HPGD: variants seen among roughly 807,000 people sequenced by gnomAD.
The protein encoded by HPGD is 15-hydroxyprostaglandin dehydrogenase [NAD(+)].
In HPGD, 29 loss-of-function variants were observed where a neutral mutation model predicts 30.0. The ratio of observed to expected loss-of-function variants is 0.97; its 90% confidence interval spans 0.72 to 1.32. The LOEUF (loss-of-function observed/expected upper bound fraction) is 1.32. Ranked by LOEUF, HPGD falls within the 40% of genes most tolerant of loss-of-function variation. The pLI is 0.00. For missense variants in HPGD, 340 were observed against 322.1 expected, an observed-to-expected ratio of 1.06 and a Z score of -0.43; for synonymous variants, 99 against 112.4, an observed-to-expected ratio of 0.88 and a Z score of 0.75.
chr4:174,494,787 A>G lies in HPGD; in HGVS notation c.498+761T>C, dbSNP rs1734503771. On this transcript the variant is annotated intron_variant, in intron 5 of 6. Transcript: ENST00000296522. The surrounding 1 kb of genome is among the most constrained non-coding windows in gnomAD (Gnocchi z 4.9). ...CTTGTCTTTTGTAACACAATTTGCA[A>G]AAGCAGACAGAATGGTCTTCTTAAA... Among the ~76,000 whole-genome samples the G allele has an allele frequency of 6.6e-6, 1 of 152,120 alleles. No individual in the cohort carries two copies. The highest frequency in any genetic ancestry group is 2.1e-4 in the South Asian group (1 of 4,824).
At chr4:174,512,179 A>G (rs1411264386) in intron 3 of HPGD, among the ~76,000 whole-genome samples, 1 of 152,182 alleles carries the variant, frequency 6.6e-6, no homozygotes, top group Non-Finnish European at 1.5e-5. Context: ...AAAGCAATGT[A>G]CTGAGACATA....
intron 3 of HPGD, among the ~76,000 whole-genome samples, chr4:174,513,717 T>A (rs999538706): frequency 6.6e-6 from 1 of 151,854 alleles, no homozygotes; most frequent in African/African-American, 2.4e-5. Flanking sequence ...CTTATATTTT[T>A]AAAATAAAGT....
In HPGD at chr4:174,491,221, T is replaced by G. The variant is rs1007962174; in HGVS notation, c.*735A>C. 1 of 152,734 alleles carries G rather than the reference T, an allele frequency of 6.5e-6. No individual in the cohort carries two copies. The highest frequency in any genetic ancestry group is 2.4e-5 in the African/African-American group (1 of 41,466). 9.5% of individuals were successfully genotyped at this position (152,734 alleles called of 1,614,324 possible). ...TATAATATTTTTGGAGTACTAACTA[T>G]TCTTTATTGCTGTAACTGTTAAAAG... On this transcript the variant is annotated 3_prime_UTR_variant, in exon 7 of 7. Transcript: ENST00000296522.
rs531567085 is a variant in HPGD at position 174,521,126 on chromosome 4, A to G, written c.217+818T>C. Among the ~76,000 whole-genome samples the G allele has an allele frequency of 4.6e-5, 7 of 152,158 alleles. No individual in the cohort carries two copies. The South Asian group carries it at 1.5e-3, about 32-fold the overall frequency. ...AATTTACTCAGTCTCTTTGAATAAA[A>G]CTTTGTGAAATACAAATATTTTACT... On this transcript the variant is annotated intron_variant, in intron 2 of 6. Coordinates refer to ENST00000296522, the MANE Select transcript of HPGD (RefSeq NM_000860.6).
chr4:174,522,157 C>T (rs1736171473), intron 1 of HPGD, 90 bp from the exon 2 acceptor site: 12 of 1,594,216 alleles, frequency 7.5e-6, no homozygotes. Flanking sequence ...CCCTCCTGGA[C>T]CTGAAATTTG....
chr4:174,490,316 C>G lies in HPGD; in HGVS notation c.*1640G>C, dbSNP rs1188050131. On this transcript the variant is annotated 3_prime_UTR_variant, in exon 7 of 7. Transcript: ENST00000296522. The surrounding 1 kb of genome is among the most constrained non-coding windows in gnomAD (Gnocchi z 4.4). ...TTTAACTTATGTAACTCACATTTTT[C>G]AATTCTACTTGATATTTGATTTTAA... The G allele has an allele frequency of 2.0e-5, 3 of 152,230 alleles. No homozygotes were observed. The highest frequency in any genetic ancestry group is 7.2e-5 in the African/African-American group (3 of 41,414). 9.4% of individuals were successfully genotyped at this position (152,230 alleles called of 1,614,324 possible).
At chr4:174,510,530 A>C (rs1266870503) in intron 3 of HPGD, among the ~76,000 whole-genome samples, 1 of 152,242 alleles carries the variant, frequency 6.6e-6, no homozygotes, top group South Asian at 2.1e-4. Flanking sequence ...TTTCGACATG[A>C]ACAAGATGAA....
chr4:174,493,417 A>G (rs1454511376), intron 5 of HPGD, 103 bp from the exon 6 acceptor site: 1 of 1,045,078 alleles, frequency 9.6e-7, no homozygotes, highest in Non-Finnish European at 1.5e-6. Context: ...AAAAAATACT[A>G]ATTAGATATC....
chr4:174,508,160 A>C (rs1199980207), intron 4 of HPGD: 4 of 702,322 alleles, frequency 5.7e-6, no homozygotes, highest in African/African-American at 5.2e-5. Context: ...CAGGTTTTCA[A>C]ATGTCTGCAT....
rs548729304 is a variant in HPGD at position 174,495,640 on chromosome 4, A to G, written c.422-16T>C. On this transcript the variant is annotated splice_polypyrimidine_tract_variant and intron_variant, in intron 4 of 6. Transcript: ENST00000296522. ...GGCATGAGTCCTGAAACAGACAAAT[A>G]TAACATTTAAATGCTTTGATGAAAA... The G allele has an allele frequency of 3.8e-6, 6 of 1,588,348 alleles. No homozygotes were observed. In the African/African-American group the frequency reaches 8.1e-5, roughly 21 times the overall value.
chr4:174,517,679 AAAG>A (rs1416247793), intron 3 of HPGD, among the ~76,000 whole-genome samples: 1 of 152,192 alleles, frequency 6.6e-6, no homozygotes, highest in Non-Finnish European at 1.5e-5. Context: ...GGTCATACCA[AAAG>A]AGTTGGCAGG....
At position 174,492,112 on chromosome 4, in the gene HPGD, A is replaced by C. The variant is rs1374638037; in HGVS notation, c.663-18T>G. 1 of 1,606,850 alleles carries C rather than the reference A, an allele frequency of 6.2e-7. No homozygotes were observed. Among genetic ancestry groups the C allele is most frequent in the Admixed American group, 1.7e-5 (1 of 59,970 alleles). ...ATGGTGGGCTAAAAATAAAGAAAAC[A>C]GTATTTTGAAACGAAAGAATGAGGC... On this transcript the variant is annotated intron_variant, in intron 6 of 6. Transcript: ENST00000296522. The surrounding 1 kb of genome is among the most constrained non-coding windows in gnomAD (Gnocchi z 4.9).
At chr4:174,504,594 G>A (rs1443942137) in intron 4 of HPGD, among the ~76,000 whole-genome samples, 1 of 151,730 alleles carries the variant, frequency 6.6e-6, no homozygotes, top group Non-Finnish European at 1.5e-5. Flanking sequence ...GATCACCTGA[G>A]GTCAGGAGTT....
chr4:174,505,307 G>A (rs1317481686), intron 4 of HPGD, among the ~76,000 whole-genome samples: 3 of 152,058 alleles, frequency 2.0e-5, no homozygotes, highest in Non-Finnish European at 4.4e-5. Context: ...GTTGAATACT[G>A]AATATTACCC....
chr4:174,493,511 C>T, intron 5 of HPGD, 197 bp from the exon 6 acceptor site: 1 of 531,030 alleles, frequency 1.9e-6, no homozygotes, highest in Non-Finnish European at 3.3e-6. Context: ...GAAAATCTCA[C>T]CTAATTAATT....
intron 4 of HPGD, 140 bp from the exon 5 acceptor site, chr4:174,495,764 T>C (rs1579272393): frequency 2.8e-6 from 2 of 708,370 alleles, no homozygotes; most frequent in Admixed American, 4.2e-5. Context: ...TAAAACCAGA[T>C]AGCTTTGTGA....
intron 5 of HPGD, 144 bp downstream of exon 5, chr4:174,495,404 A>T: frequency 1.5e-6 from 1 of 686,742 alleles, no homozygotes; most frequent in Non-Finnish European, 2.6e-6. Flanking sequence ...ATGTGATCTG[A>T]TAACTTTTTA....
At chr4:174,506,321 G>T (rs1735189286) in intron 4 of HPGD, among the ~76,000 whole-genome samples, 1 of 152,192 alleles carries the variant, frequency 6.6e-6, no homozygotes, top group Non-Finnish European at 1.5e-5. Flanking sequence ...GATTAGAGCT[G>T]TGCCCATGAA....
intron 3 of HPGD, among the ~76,000 whole-genome samples, chr4:174,517,124 G>C (rs1357550669): frequency 6.6e-6 from 1 of 152,136 alleles, no homozygotes; most frequent in East Asian, 1.9e-4. Flanking sequence ...TTTAGTTTTA[G>C]TTAACGTTTG....
Sources: allele counts gnomAD v4.1 joint callset (sites outside exome capture counted in the v4.1 genomes callset), GRCh38; gene constraint gnomAD v4.1.1; non-coding constraint Gnocchi (gnomAD v3.1); transcripts MANE v1.5; gene names NCBI Gene and HGNC (gene_info 2026-07-23, HGNC 2026-07-21).